P3H2: variants seen among roughly 807,000 people sequenced by gnomAD.
The protein encoded by P3H2 is leprecan-like 1.
P3H2 carries 80 observed loss-of-function variants against 87.0 expected under a neutral mutation model. The observed-to-expected ratio is 0.92, with a 90% CI of 0.77 to 1.11. The LOEUF (loss-of-function observed/expected upper bound fraction) is 1.11. P3H2 is among the 50% of genes least tolerant of loss of function. P3H2 has a pLI of 0.00. For missense variants in P3H2, 1,001 were observed against 923.9 expected (o/e 1.08, Z -1.08); for synonymous variants, 367 against 359.3 (o/e 1.02, Z -0.24).
chr3:190,003,141 G>T (rs1724267604), intron 1 of P3H2, among the ~76,000 whole-genome samples: 1 of 152,202 alleles, frequency 6.6e-6, no homozygotes, highest in South Asian at 2.1e-4. Flanking sequence ...TGGAAAGGAA[G>T]AATGAACATG....
intron 1 of P3H2, among the ~76,000 whole-genome samples, chr3:190,105,360 C>CT (rs1024925405): frequency 6.6e-6 from 1 of 152,164 alleles, no homozygotes; most frequent in Non-Finnish European, 1.5e-5. Flanking sequence ...AAATGATAAT[C>CT]TTTTTTGAAA....
intron 1 of P3H2, among the ~76,000 whole-genome samples, chr3:190,097,871 A>G (rs569059885): frequency 5.0e-4 from 76 of 152,210 alleles, no homozygotes; most frequent in African/African-American, 1.6e-3. Flanking sequence ...TAAACCTTTC[A>G]AGGCCCCCCA....
rs1412551716 is a variant in P3H2, at chr3:189,963,992, A to G, written c.2000T>C (p.Leu667Pro). The G allele has an allele frequency of 1.2e-6, 2 of 1,614,126 alleles. No homozygotes were observed. The highest frequency in any genetic ancestry group is 1.7e-6 in the Non-Finnish European group (2 of 1,180,046). Reference protein sequence around the residue: ...VTKGKRCAVALWFTLDPLYRE... With the variant: ...VTKGKRCAVAPWFTLDPLYRE... ...ATAAAGTGGGTCCAAGGTGAACCAC[A>G]GAGCCACAGCACACCTCTTTCCCTT... Residue 667 changes from leucine to proline, a missense_variant, in exon 14 of 15, where the codon CTG (leucine) becomes CCG (proline). Transcript: ENST00000319332.
chr3:190,041,039 C>T (rs1666398), intron 1 of P3H2, among the ~76,000 whole-genome samples: 7,990 of 27,316 alleles, frequency 0.29, 1,297 homozygotes, highest in Admixed American at 0.34. Flanking sequence ...TATATATATA[C>T]ACACACACAC....
intron 1 of P3H2, among the ~76,000 whole-genome samples, chr3:190,020,966 A>G (rs1357909525): frequency 7.4e-6 from 1 of 134,844 alleles, no homozygotes; most frequent in Non-Finnish European, 1.7e-5. Context: ...TCAGTTTTAT[A>G]AAAAGAGAAA....
chr3:190,118,611 A>T (rs1283094741), intron 1 of P3H2, among the ~76,000 whole-genome samples: 4 of 151,878 alleles, frequency 2.6e-5, no homozygotes, highest in Admixed American at 6.6e-5. Flanking sequence ...CCAAGATACT[A>T]GTCCAGTGAA....
intron 1 of P3H2, among the ~76,000 whole-genome samples, chr3:190,016,808 G>T (rs144656035): frequency 6.6e-6 from 1 of 152,056 alleles, no homozygotes; most frequent in African/African-American, 2.4e-5. Context: ...CTTCTTGCAC[G>T]CATTCAGCAA....
intron 1 of P3H2, among the ~76,000 whole-genome samples, chr3:190,100,240 C>A (rs1269043130): frequency 1.8e-4 from 15 of 84,672 alleles, no homozygotes; most frequent in African/African-American, 1.2e-3. Flanking sequence ...CGTCCCCCGC[C>A]CCCCCCGCCG....
chr3:190,095,305 TATATATATATATATA>T (rs1461903481), intron 1 of P3H2, among the ~76,000 whole-genome samples: 3 of 9,356 alleles, frequency 3.2e-4, no homozygotes, highest in Non-Finnish European at 2.4e-4. Flanking sequence ...TCTCAAAACA[TATATATATATATATA>T]TATATATATA....
rs557289601 is a variant in P3H2, at chr3:190,004,428, G to C, written c.481-8986C>G. Among the ~76,000 whole-genome samples, 10 of 152,240 alleles carry C rather than the reference G, an allele frequency of 6.6e-5. No homozygotes were observed. In the East Asian group the frequency reaches 1.9e-3, roughly 29 times the overall value. ...GACGGAGTCTCGCTCTGTCGCCCAG[G>C]CTGGAGTGCAGTGGCGGGATCTCGG... On this transcript the variant is annotated intron_variant, in intron 1 of 14. Transcript: ENST00000319332.
At chr3:190,109,402 T>C (rs6799093) in intron 1 of P3H2, among the ~76,000 whole-genome samples, 3,257 of 152,318 alleles carry the variant, frequency 0.021, 118 homozygotes, top group African/African-American at 0.074. Flanking sequence ...AGCTGCTTCC[T>C]AAGAATAGAT....
At chr3:190,004,602 T>C (rs1409628496) in intron 1 of P3H2, among the ~76,000 whole-genome samples, 1 of 152,030 alleles carries the variant, frequency 6.6e-6, no homozygotes, top group African/African-American at 2.4e-5. Flanking sequence ...CGGGATGGTC[T>C]CGATCTCCTG....
chr3:189,985,721 T>A (rs1444448199), intron 6 of P3H2, among the ~76,000 whole-genome samples: 1 of 151,764 alleles, frequency 6.6e-6, no homozygotes, highest in Admixed American at 6.6e-5. Flanking sequence ...ATTCCACTCT[T>A]AAGAATTTAT....
intron 1 of P3H2, among the ~76,000 whole-genome samples, chr3:190,092,496 C>A (rs938647576): frequency 2.0e-5 from 3 of 152,202 alleles, no homozygotes; most frequent in Non-Finnish European, 4.4e-5. Context: ...TCATTAGGAG[C>A]TACATCTTGC....
At chr3:189,985,073 T>C (rs994288260) in intron 6 of P3H2, among the ~76,000 whole-genome samples, 5 of 152,074 alleles carry the variant, frequency 3.3e-5, no homozygotes, top group African/African-American at 1.2e-4. Flanking sequence ...TATTAATATA[T>C]TAGAAGGTGT....
At chr3:190,031,086 G>C (rs1301543775) in intron 1 of P3H2, among the ~76,000 whole-genome samples, 2 of 152,032 alleles carry the variant, frequency 1.3e-5, no homozygotes, top group Non-Finnish European at 2.9e-5. Context: ...GCTGAGAAGT[G>C]ATGAAAGACA....
rs139837247 is a variant in P3H2 at position 190,100,037 on chromosome 3, C to T, written c.480+20215G>A. ...TAACCTGAGGTCAGGAGTTCGAGAC[C>T]AGCCGGCCCAACATGGTGAAATTCC... On this transcript the variant is annotated intron_variant, in intron 1 of 14. Transcript: ENST00000319332. 6.3e-3 allele frequency among the ~76,000 whole-genome samples: 956 copies of T among 152,208 alleles called. 9 individuals are homozygous for T. Among genetic ancestry groups the T allele is most frequent in the African/African-American group, 0.022 (909 of 41,510 alleles).
At chr3:190,107,718 G>C (rs1212418524) in intron 1 of P3H2, among the ~76,000 whole-genome samples, 1 of 152,114 alleles carries the variant, frequency 6.6e-6, no homozygotes, top group African/African-American at 2.4e-5. Flanking sequence ...TTAGCTTTGG[G>C]TAATGGATTT....
At chr3:190,117,375 T>C (rs1296204956) in intron 1 of P3H2, among the ~76,000 whole-genome samples, 1 of 152,138 alleles carries the variant, frequency 6.6e-6, no homozygotes, top group African/African-American at 2.4e-5. Flanking sequence ...CCTGAGAGCT[T>C]CTATAGTTGG....
Sources: gnomAD v4.1 joint callset for allele counts (sites outside exome capture counted in the v4.1 genomes callset) on GRCh38, gnomAD v4.1.1 for gene constraint, MANE v1.5 for transcripts, NCBI Gene and HGNC (gene_info 2026-07-23, HGNC 2026-07-21) for gene names.